The following MYO1D variants were observed in gnomAD, a reference collection of about 807,000 sequenced individuals.
The protein encoded by MYO1D is unconventional myosin-Id.
MYO1D carries 83 observed loss-of-function variants against 122.0 expected under a neutral mutation model. The observed-to-expected ratio is 0.68, with a 90% CI of 0.57 to 0.82. The LOEUF (loss-of-function observed/expected upper bound fraction) is 0.82. Ranked by LOEUF, MYO1D falls within the 40% of genes least tolerant of loss-of-function variation. The pLI is 0.00. For synonymous variants in MYO1D, 464 were observed against 446.9 expected (o/e 1.04, Z -0.48); for missense variants, 1,157 against 1,269.5 (o/e 0.91, Z 1.35).
chr17:32,560,075 T>G (rs943677006), intron 21 of MYO1D, among the ~76,000 whole-genome samples: 1 of 152,064 alleles, frequency 6.6e-6, no homozygotes, highest in Admixed American at 6.6e-5. Flanking sequence ...ACCAACATGG[T>G]GAAACCCCCA....
At chr17:32,555,171 C>T (rs749172770) in intron 21 of MYO1D, among the ~76,000 whole-genome samples, 9 of 151,936 alleles carry the variant, frequency 5.9e-5, no homozygotes, top group Admixed American at 3.9e-4. Context: ...AATAAATGTA[C>T]GAATTTAGCA....
intron 1 of MYO1D, among the ~76,000 whole-genome samples, chr17:32,843,881 A>T (rs2090908850): frequency 1.3e-5 from 2 of 152,126 alleles, no homozygotes; most frequent in Admixed American, 1.3e-4. Context: ...ACTTTTCTAT[A>T]TGGCCATCTA....
At chr17:32,774,310 G>C (rs2090153171) in intron 4 of MYO1D, among the ~76,000 whole-genome samples, 1 of 152,164 alleles carries the variant, frequency 6.6e-6, no homozygotes, top group African/African-American at 2.4e-5. Context: ...GGTTTCCCCT[G>C]CAATTCTTTG....
intron 21 of MYO1D, among the ~76,000 whole-genome samples, chr17:32,530,842 T>C (rs897499780): frequency 6.6e-6 from 1 of 152,154 alleles, no homozygotes; most frequent in African/African-American, 2.4e-5. Flanking sequence ...TATCTCACCA[T>C]TGAGTATAAT....
chr17:32,690,493 T>A (rs866351714), intron 16 of MYO1D, among the ~76,000 whole-genome samples: 1 of 152,194 alleles, frequency 6.6e-6, no homozygotes, highest in Admixed American at 6.5e-5. Flanking sequence ...ATCATTTTTA[T>A]GTGTCGGCAT....
At chr17:32,804,699 T>TC in intron 1 of MYO1D, among the ~76,000 whole-genome samples, 1 of 152,206 alleles carries the variant, frequency 6.6e-6, no homozygotes, top group South Asian at 2.1e-4. Flanking sequence ...CTCTAATAGT[T>TC]CCTAGAACAG....
intron 10 of MYO1D, among the ~76,000 whole-genome samples, chr17:32,756,921 CTACACACAGAA>C (rs2089952468): frequency 6.6e-6 from 1 of 152,162 alleles, no homozygotes; most frequent in African/African-American, 2.4e-5. Flanking sequence ...GTACCTATCA[CTACACACAGAA>C]GGCACACAAA....
At chr17:32,675,791 G>C (rs2150963129) in intron 16 of MYO1D, among the ~76,000 whole-genome samples, 1 of 151,994 alleles carries the variant, frequency 6.6e-6, no homozygotes, top group African/African-American at 2.4e-5. Context: ...TACTGTTTAT[G>C]GTATACTGCC....
At chr17:32,852,300 A>G (rs972844022) in intron 1 of MYO1D, among the ~76,000 whole-genome samples, 37 of 152,050 alleles carry the variant, frequency 2.4e-4, no homozygotes, top group African/African-American at 8.7e-4. Flanking sequence ...TAGTTTTTGT[A>G]TATTTTGGTA....
chr17:32,757,607 T>C (rs1430371812), intron 10 of MYO1D, among the ~76,000 whole-genome samples: 1 of 152,176 alleles, frequency 6.6e-6, no homozygotes, highest in African/African-American at 2.4e-5. Flanking sequence ...GCAGGAGCTC[T>C]ATATTAATAG....
intron 16 of MYO1D, among the ~76,000 whole-genome samples, chr17:32,672,878 G>T (rs987552918): frequency 6.6e-6 from 1 of 152,006 alleles, no homozygotes; most frequent in Non-Finnish European, 1.5e-5. Flanking sequence ...AAAGGGCAGA[G>T]ATGTGGCCAC....
intron 14 of MYO1D, among the ~76,000 whole-genome samples, chr17:32,728,378 T>C (rs2089600097): frequency 6.6e-6 from 1 of 152,108 alleles, no homozygotes; most frequent in Admixed American, 6.5e-5. Context: ...GGCTAATTTT[T>C]TGTACTTTTA....
chr17:32,807,682 T>A (rs542146500), intron 1 of MYO1D, among the ~76,000 whole-genome samples: 19 of 152,282 alleles, frequency 1.2e-4, no homozygotes, highest in African/African-American at 4.6e-4. Context: ...CATGCTTTGG[T>A]GACTGAGGAA....
At chr17:32,627,232 A>C (rs2087940121) in intron 20 of MYO1D, among the ~76,000 whole-genome samples, 1 of 152,236 alleles carries the variant, frequency 6.6e-6, no homozygotes, top group Non-Finnish European at 1.5e-5. Context: ...ATTAAAGAGA[A>C]CTAATAAATA....
intron 1 of MYO1D, among the ~76,000 whole-genome samples, chr17:32,873,500 G>A (rs906379365): frequency 2.6e-5 from 4 of 152,154 alleles, no homozygotes; most frequent in Non-Finnish European, 5.9e-5. Context: ...TATACAACCA[G>A]AAATATGTGC....
intron 16 of MYO1D, among the ~76,000 whole-genome samples, chr17:32,685,322 T>C (rs1445685660): frequency 6.6e-6 from 1 of 152,214 alleles, no homozygotes; most frequent in African/African-American, 2.4e-5. Flanking sequence ...TTAGATGAAC[T>C]AGATACCCAA....
chr17:32,826,093 G>C (rs1402889043), intron 1 of MYO1D, among the ~76,000 whole-genome samples: 1 of 151,546 alleles, frequency 6.6e-6, no homozygotes. Flanking sequence ...TTATTCTGGG[G>C]GTTAACTATT....
At chr17:32,804,127 G>A (rs963346256) in intron 1 of MYO1D, among the ~76,000 whole-genome samples, 3 of 152,052 alleles carry the variant, frequency 2.0e-5, no homozygotes, top group Non-Finnish European at 4.4e-5. Flanking sequence ...CATAGTATTC[G>A]CATATAACCT....
At position 32,611,694 on chromosome 17, in the gene MYO1D, C is replaced by G. The variant is rs137941433; in HGVS notation, c.2710-6453G>C. Among the ~76,000 whole-genome samples, 7 of 152,242 alleles carry G rather than the reference C, an allele frequency of 4.6e-5. No individual in the cohort carries two copies. In the East Asian group the frequency reaches 1.2e-3, roughly 25 times the overall value. ...TCTCTACTAAAAATACAAAAATTAG[C>G]TGGTTGTGGTGGAGGGTGCCTATAG... On this transcript the variant is annotated intron_variant, in intron 20 of 21. Coordinates refer to ENST00000318217, the MANE Select transcript of MYO1D (RefSeq NM_015194.3).
Sources: gnomAD v4.1 joint callset for allele counts (sites outside exome capture counted in the v4.1 genomes callset) on GRCh38, gnomAD v4.1.1 for gene constraint, MANE v1.5 for transcripts, NCBI Gene and HGNC (gene_info 2026-07-23, HGNC 2026-07-21) for gene names.